The following NOL4 variants were observed in gnomAD, a reference collection of about 807,000 sequenced individuals.
The protein encoded by NOL4 is nucleolar protein 4, also known as cancer/testis antigen 125.
In NOL4, 17 loss-of-function variants were observed where a neutral mutation model predicts 75.9. That is an observed-to-expected ratio of 0.22 (90% CI 0.15 to 0.34). The LOEUF (loss-of-function observed/expected upper bound fraction) is 0.34. Among genes scored for constraint, NOL4 ranks in the 10% least tolerant of loss-of-function variants. NOL4 has a pLI of 1.00. For missense variants in NOL4, 614 were observed against 793.5 expected (o/e 0.77, Z 2.72); for synonymous variants, 292 against 289.9 (o/e 1.01, Z -0.07).
intron 1 of NOL4, among the ~76,000 whole-genome samples, chr18:34,142,529 T>C (rs1419380443): frequency 1.3e-5 from 2 of 152,130 alleles, no homozygotes; most frequent in Non-Finnish European, 2.9e-5. Context: ...ATGTCCTTTG[T>C]AGGGACATGG....
chr18:34,142,596 T>C (rs973333927), intron 1 of NOL4, among the ~76,000 whole-genome samples: 2 of 151,724 alleles, frequency 1.3e-5, no homozygotes, highest in African/African-American at 2.4e-5. Context: ...AAACCAAACA[T>C]CGCATGTTCT....
Position 33,852,651 on chromosome 18 carries a change from G to C in NOL4, c.*191C>G, listed in dbSNP as rs2062672999. ...GGCTGGACATACTAAAGTAGCTCAA[G>C]TACTTCAGAGGTCAGAGTTCCTTTG... On this transcript the variant is annotated 3_prime_UTR_variant, in exon 11 of 11. Transcript: ENST00000261592. 1.9e-6 allele frequency: 1 copy of C among 539,538 alleles called. No individual in the cohort carries two copies. The allele number at this position is 539,538 out of a possible 1,614,324, so 33.4% of individuals were successfully genotyped here. A position where few individuals can be genotyped will look rare whatever the true frequency, so the allele number is the denominator to read the frequency against.
intron 8 of NOL4, among the ~76,000 whole-genome samples, chr18:33,952,999 CA>C (rs1048357738): frequency 1.3e-5 from 2 of 152,020 alleles, no homozygotes; most frequent in African/African-American, 2.4e-5. Context: ...ACTCTAGGAG[CA>C]AAGGCAGATT....
chr18:33,980,471 C>T (rs142989139), intron 6 of NOL4, among the ~76,000 whole-genome samples: 172 of 151,888 alleles, frequency 1.1e-3, no homozygotes, highest in Non-Finnish European at 1.6e-3. Context: ...CTGTTCTTTC[C>T]GGTTATTAAG....
intron 1 of NOL4, among the ~76,000 whole-genome samples, chr18:34,130,234 A>G (rs1231540109): frequency 6.6e-6 from 1 of 152,066 alleles, no homozygotes; most frequent in Non-Finnish European, 1.5e-5. Context: ...GGCATAGTTA[A>G]TATTGAATAA....
In NOL4 at chr18:33,883,418, A is replaced by G. The variant is rs770577603; in HGVS notation, c.1549T>C (p.Ser517Pro). Residue 517 changes from serine (S) to proline (P), a missense_variant, in exon 10 of 11, where the codon TCT becomes CCT. Transcript: ENST00000261592. ...TTACACTGTTTGTCAGCTGGAGCAG[A>G]CTCATCCTGCAAGGACAGACAGCAT... ...RMRLERQQDESAPADKQCKPE... is the reference protein window; with the variant it reads ...RMRLERQQDEPAPADKQCKPE... The G allele has an allele frequency of 6.2e-7, 1 of 1,606,032 alleles. No individual in the cohort carries two copies. Among genetic ancestry groups the G allele is most frequent in the African/African-American group, 1.3e-5 (1 of 74,626 alleles).
intron 2 of NOL4, among the ~76,000 whole-genome samples, chr18:34,120,171 G>T (rs2080073369): frequency 6.6e-6 from 1 of 152,092 alleles, no homozygotes. Flanking sequence ...GTTATGTCAG[G>T]AAAATCTAAG....
chr18:34,009,687 C>A (rs1036574792), intron 6 of NOL4, among the ~76,000 whole-genome samples: 4 of 151,760 alleles, frequency 2.6e-5, no homozygotes, highest in African/African-American at 7.3e-5. Context: ...AATTATGAAC[C>A]CCAAACTAGT....
intron 9 of NOL4, among the ~76,000 whole-genome samples, chr18:33,930,270 A>G (rs969376241): frequency 1.4e-4 from 22 of 152,224 alleles, no homozygotes; most frequent in Non-Finnish European, 1.8e-4. Flanking sequence ...AATATAATGG[A>G]ACATCTATTA....
At chr18:34,136,558 G>A (rs1418440058) in intron 1 of NOL4, among the ~76,000 whole-genome samples, 1 of 151,798 alleles carries the variant, frequency 6.6e-6, no homozygotes, top group East Asian at 1.9e-4. Context: ...GAAAATGAAG[G>A]GGGAAAAATA....
chr18:34,008,981 T>C (rs769893180), intron 6 of NOL4, among the ~76,000 whole-genome samples: 1 of 151,974 alleles, frequency 6.6e-6, no homozygotes, highest in Non-Finnish European at 1.5e-5. Context: ...TGTAAATCAC[T>C]TTAGTGTGCT....
At chr18:34,185,462 A>C (rs948172875) in intron 1 of NOL4, among the ~76,000 whole-genome samples, 7 of 152,126 alleles carry the variant, frequency 4.6e-5, no homozygotes, top group Admixed American at 3.9e-4. Flanking sequence ...AATTTTTTAC[A>C]ATGGGCAGAT....
At chr18:33,994,540 C>A (rs1389799750) in intron 6 of NOL4, among the ~76,000 whole-genome samples, 1 of 151,612 alleles carries the variant, frequency 6.6e-6, no homozygotes, top group Non-Finnish European at 1.5e-5. Context: ...CACAAATAAC[C>A]AACTGGTCAA....
At chr18:34,154,470 T>C (rs892252500) in intron 1 of NOL4, among the ~76,000 whole-genome samples, 3 of 152,044 alleles carry the variant, frequency 2.0e-5, no homozygotes, top group Admixed American at 1.3e-4. Flanking sequence ...TATTTTGTTA[T>C]GTCATTATGT....
intron 6 of NOL4, among the ~76,000 whole-genome samples, chr18:33,984,599 C>G (rs1406294660): frequency 6.6e-6 from 1 of 152,112 alleles, no homozygotes; most frequent in African/African-American, 2.4e-5. Context: ...CCCCTCCTCT[C>G]TCTCTTGCTC....
intron 1 of NOL4, among the ~76,000 whole-genome samples, chr18:34,172,790 A>G (rs778705106): frequency 6.6e-6 from 1 of 151,936 alleles, no homozygotes; most frequent in Non-Finnish European, 1.5e-5. Context: ...CTTTTCATAT[A>G]CCTGTTGGCC....
intron 6 of NOL4, among the ~76,000 whole-genome samples, chr18:33,969,374 A>G (rs770712608): frequency 6.6e-6 from 1 of 151,986 alleles, no homozygotes; most frequent in Non-Finnish European, 1.5e-5. Flanking sequence ...TTTTTTTCAT[A>G]TTACATTAGC....
chr18:34,059,041 C>A (rs1161757275), intron 5 of NOL4, among the ~76,000 whole-genome samples: 2 of 150,002 alleles, frequency 1.3e-5, no homozygotes, highest in Non-Finnish European at 3.0e-5. Flanking sequence ...TTCCTATCCA[C>A]TTCTGGTTGA....
intron 6 of NOL4, chr18:34,001,838 C>A (rs2073737490): frequency 6.6e-6 from 1 of 152,348 alleles, no homozygotes; most frequent in Non-Finnish European, 1.5e-5. Context: ...TCAGGTTTCA[C>A]CATAGAGAGC....
Sources: gnomAD v4.1 joint callset for allele counts (sites outside exome capture counted in the v4.1 genomes callset) on GRCh38, gnomAD v4.1.1 for gene constraint, MANE v1.5 for transcripts, NCBI Gene and HGNC (gene_info 2026-07-23, HGNC 2026-07-21) for gene names.